CAND1: variants seen among roughly 807,000 people sequenced by gnomAD.
CAND1 encodes the protein cullin associated and neddylation dissociated 1.
CAND1 carries 7 observed loss-of-function variants against 108.5 expected under a neutral mutation model. The ratio of observed to expected loss-of-function variants is 0.06; its 90% CI spans 0.04 to 0.12. The LOEUF is 0.12. CAND1 is among the 10% of genes least tolerant of loss of function. The probability of loss-of-function intolerance (pLI) is 1.00; values close to 1 mark genes in which losing one functional copy is unlikely to be tolerated. For missense variants in CAND1, 941 were observed against 1,448.7 expected, an observed-to-expected ratio of 0.65 and a Z score of 5.69; for synonymous variants, 534 against 512.0, an observed-to-expected ratio of 1.04 and a Z score of -0.58.
intron 1 of CAND1, among the ~76,000 whole-genome samples, chr12:67,273,023 A>G (rs1397633698): frequency 1.3e-5 from 2 of 152,192 alleles, no homozygotes; most frequent in African/African-American, 4.8e-5. Flanking sequence ...TGTTTTAAAA[A>G]AAGGAGACTA....
Position 67,306,552 on chromosome 12 carries a change from G to A in CAND1, c.2884G>A (p.Asp962Asn). 1.9e-6 allele frequency: 3 copies of A among 1,613,848 alleles called. No homozygotes were observed. Among genetic ancestry groups the A allele is most frequent in the Non-Finnish European group, 2.5e-6 (3 of 1,179,846 alleles). ...AECLGKLTLI[D>N]PETLLPRLKG... is the part of the protein sequence containing the mutation. ...ATGTCTAGGAAAACTCACTCTAATT[G>A]ATCCAGAAACTCTCCTTCCACGGCT... The change falls in exon 10 of 15, where the codon GAT becomes AAT. Residue 962 changes from aspartate (D) to asparagine (N), a missense_variant. By Grantham distance (23) the Asp-to-Asn change is conservative (BLOSUM62 1). Coordinates refer to ENST00000545606, the MANE Select transcript of CAND1 (RefSeq NM_018448.5).
intron 6 of CAND1, 61 bp from the exon 7 acceptor site, chr12:67,298,889 C>G: frequency 1.0e-6 from 1 of 957,282 alleles, no homozygotes; most frequent in East Asian, 2.5e-5. Context: ...CAAAATGTGG[C>G]AGGTAATGAA....
At chr12:67,277,859 T>C (rs1006133301) in intron 1 of CAND1, among the ~76,000 whole-genome samples, 8 of 152,196 alleles carry the variant, frequency 5.3e-5, no homozygotes, top group African/African-American at 1.7e-4. Flanking sequence ...GCCATCATAA[T>C]TTCTAACTTA....
chr12:67,293,913 G>C (rs1291978886), intron 3 of CAND1, among the ~76,000 whole-genome samples: 2 of 152,128 alleles, frequency 1.3e-5, no homozygotes, highest in African/African-American at 4.8e-5. Flanking sequence ...GTTCCTTCTA[G>C]TTTGTAGATG....
intron 2 of CAND1, among the ~76,000 whole-genome samples, chr12:67,284,384 A>G (rs922469546): frequency 6.6e-6 from 1 of 152,180 alleles, no homozygotes; most frequent in African/African-American, 2.4e-5. Flanking sequence ...TTAAGGGGGC[A>G]GTTCAGTATT....
At position 67,305,982 on chromosome 12, in the gene CAND1, T is replaced by C. The variant is rs369061778; in HGVS notation, c.2314T>C (p.Tyr772His). The change falls in exon 10 of 15, where the codon TAC becomes CAC. Residue 772 changes from tyrosine to histidine, a missense_variant. By Grantham distance (83) the Tyr-to-His change is moderately conservative. Coordinates refer to ENST00000545606, the MANE Select transcript of CAND1 (RefSeq NM_018448.5). The surrounding 1 kb of genome is among the most constrained non-coding windows in gnomAD (Gnocchi z 4.4). ...LVVTGTNNLG[Y>H]MDLLRMLTGP... ...TGTCACTGGAACAAATAATTTAGGA[T>C]ACATGGATTTGTTGCGCATGCTGAC... 6.2e-7 allele frequency: 1 copy of C among 1,614,090 alleles called. No homozygotes were observed. The highest frequency in any genetic ancestry group is 1.3e-5 in the African/African-American group (1 of 74,940).
Position 67,316,317 on chromosome 12 carries a change from A to G in CAND1, c.*3487A>G, listed in dbSNP as rs1227682429. On this transcript the variant is annotated 3_prime_UTR_variant, in exon 15 of 15. Transcript: ENST00000545606. ...TGGAACACAGTGGAAGTATTTGGCT[A>G]CAGGCTACCCAAATCTCATCAGATA... 1 of 152,242 alleles carries G rather than the reference A, an allele frequency of 6.6e-6. No homozygotes were observed. Among genetic ancestry groups the G allele is most frequent in the Non-Finnish European group, 1.5e-5 (1 of 68,040 alleles). The allele number at this position is 152,242 out of a possible 1,614,324, so 9.4% of individuals were successfully genotyped here.
At position 67,269,381 on chromosome 12, in the gene CAND1, G is replaced by A. The variant is rs536487541; in HGVS notation, c.-337G>A. The A allele has an allele frequency of 1.5e-4, 48 of 316,902 alleles. No homozygotes were observed. Among genetic ancestry groups the A allele is most frequent in the African/African-American group, 9.8e-4 (44 of 44,760 alleles). 19.6% of individuals were successfully genotyped at this position (316,902 alleles called of 1,614,324 possible). On this transcript the variant is annotated 5_prime_UTR_variant, in exon 1 of 15. Transcript: ENST00000545606. The stretch of plus-strand genomic sequence containing the variant: ...GCCTTTTGCCCTAGGGAGCGAGTGC[G>A]GAGCGAGTGGGAGCGAGACGGCCCT...
chr12:67,297,618 A>G lies in CAND1; in HGVS notation c.703A>G (p.Ile235Val). ...NDSMSTTRTY[I>V]QCIAAISRQA... ...TTCTATGTCAACAACAAGAACCTAC[A>G]TACAATGTATTGCTGCTATTAGTAG... Residue 235 changes from isoleucine (I) to valine (V), a missense_variant, in exon 5 of 15, where the codon ATA becomes GTA. Coordinates refer to ENST00000545606, the MANE Select transcript of CAND1 (RefSeq NM_018448.5). 3 of 1,614,076 alleles carry G rather than the reference A, an allele frequency of 1.9e-6. No individual in the cohort carries two copies. The highest frequency in any genetic ancestry group is 2.5e-6 in the Non-Finnish European group (3 of 1,179,942).
Position 67,317,814 on chromosome 12 carries a change from A to G in CAND1, c.*4984A>G, listed in dbSNP as rs12302524. On this transcript the variant is annotated 3_prime_UTR_variant, in exon 15 of 15. Coordinates refer to ENST00000545606, the MANE Select transcript of CAND1 (RefSeq NM_018448.5). ...TTAATCTATACATCTAGCCCAGTCC[A>G]TGCCCCTGTTTCAGACTATTATATC... 1 of 152,280 alleles carries G rather than the reference A, an allele frequency of 6.6e-6. No individual in the cohort carries two copies. The highest frequency in any genetic ancestry group is 1.5e-5 in the Non-Finnish European group (1 of 68,116). The allele number at this position is 152,280 out of a possible 1,614,324, so 9.4% of individuals were successfully genotyped here. A position where few individuals can be genotyped will look rare whatever the true frequency, so the allele number is the denominator to read the frequency against.
chr12:67,294,321 C>A (rs1283176099), intron 3 of CAND1, among the ~76,000 whole-genome samples: 1 of 151,912 alleles, frequency 6.6e-6, no homozygotes, highest in Non-Finnish European at 1.5e-5. Context: ...AGTCCTGGAA[C>A]GAGGTTTCTG....
intron 1 of CAND1, among the ~76,000 whole-genome samples, chr12:67,274,281 A>G (rs1251212046): frequency 1.3e-5 from 2 of 152,262 alleles, no homozygotes; most frequent in African/African-American, 4.8e-5. Flanking sequence ...TAAAAAGATG[A>G]ATAACCCAGG....
chr12:67,284,393 T>C (rs2044648784), intron 2 of CAND1, among the ~76,000 whole-genome samples: 1 of 152,186 alleles, frequency 6.6e-6, no homozygotes, highest in South Asian at 2.1e-4. Context: ...CAGTTCAGTA[T>C]TATATGCTTT....
intron 2 of CAND1, among the ~76,000 whole-genome samples, chr12:67,288,428 G>A (rs1023837149): frequency 3.3e-5 from 5 of 152,020 alleles, no homozygotes; most frequent in African/African-American, 7.2e-5. Flanking sequence ...ATGCCTGGCC[G>A]TCCTTTCTGA....
At position 67,318,829 on chromosome 12, in the gene CAND1, G is replaced by A. The variant is rs976645255; in HGVS notation, c.*5999G>A. ...ATTCTGCTGTATGAGAGGTATACAC[G>A]GGATACTGGGGGTTAATAATTGAGG... is the stretch of plus-strand genomic sequence containing the variant. On this transcript the variant is annotated 3_prime_UTR_variant, in exon 15 of 15. Transcript: ENST00000545606. The A allele has an allele frequency of 3.3e-5, 5 of 152,108 alleles. No individual in the cohort carries two copies. Among genetic ancestry groups the A allele is most frequent in the African/African-American group, 9.7e-5 (4 of 41,404 alleles). The allele number at this position is 152,108 out of a possible 1,614,324, so 9.4% of individuals were successfully genotyped here.
intron 1 of CAND1, among the ~76,000 whole-genome samples, chr12:67,272,168 A>T (rs1030710121): frequency 6.6e-6 from 1 of 152,232 alleles, no homozygotes; most frequent in African/African-American, 2.4e-5. Flanking sequence ...TGTGCAAAGC[A>T]CTCTGCCTGT....
intron 4 of CAND1, among the ~76,000 whole-genome samples, chr12:67,296,682 G>T (rs1037001014): frequency 2.0e-5 from 3 of 152,054 alleles, no homozygotes; most frequent in Admixed American, 1.3e-4. Flanking sequence ...TTATCCACCC[G>T]CCTGAGCCTC....
At chr12:67,306,865 A>G (rs993217687) in intron 10 of CAND1, among the ~76,000 whole-genome samples, 1 of 152,188 alleles carries the variant, frequency 6.6e-6, no homozygotes, top group African/African-American at 2.4e-5. Context: ...TTGTGTTAAA[A>G]TGTGGAAAAG....
Position 67,319,222 on chromosome 12 carries a change from C to T in CAND1, c.*6392C>T, listed in dbSNP as rs1164192032. On this transcript the variant is annotated 3_prime_UTR_variant, in exon 15 of 15. Coordinates refer to ENST00000545606, the MANE Select transcript of CAND1 (RefSeq NM_018448.5). ...CATCCTTCACTGTCTCTCTTTTGCCCATAGGATAAGTACAAACTAGATCTG... is the reference window on the plus strand; with the variant it reads ...CATCCTTCACTGTCTCTCTTTTGCCTATAGGATAAGTACAAACTAGATCTG... The T allele has an allele frequency of 6.6e-6, 1 of 152,168 alleles. No homozygotes were observed. Among genetic ancestry groups the T allele is most frequent in the East Asian group, 1.9e-4 (1 of 5,182 alleles). 9.4% of individuals were successfully genotyped at this position (152,168 alleles called of 1,614,324 possible).
Sources: gnomAD v4.1 joint callset for allele counts (sites outside exome capture counted in the v4.1 genomes callset) on GRCh38, gnomAD v4.1.1 for gene constraint, Gnocchi (gnomAD v3.1) non-coding constraint, MANE v1.5 for transcripts, NCBI Gene and HGNC (gene_info 2026-07-23, HGNC 2026-07-21) for gene names.